Variants in CPAMD8 observed in about 807,000 individuals in gnomAD.
CPAMD8 encodes the protein C3 and PZP-like alpha-2-macroglobulin domain-containing protein 8.
CPAMD8 carries 146 observed loss-of-function variants against 224.7 expected under a neutral mutation model. The observed-to-expected ratio is 0.65, with a 90% confidence interval of 0.57 to 0.75. The LOEUF (loss-of-function observed/expected upper bound fraction) is 0.75. Ranked by LOEUF, CPAMD8 falls within the 30% of genes least tolerant of loss-of-function variation. The pLI, the probability that CPAMD8 is intolerant of heterozygous loss-of-function variation, is 0.00. For synonymous variants in CPAMD8, 966 were observed against 1,044.6 expected (o/e 0.92, Z 1.45); for missense variants, 2,301 against 2,537.5 (o/e 0.91, Z 2.00).
intron 13 of CPAMD8, among the ~76,000 whole-genome samples, chr19:16,982,796 G>T (rs747804372): frequency 7.9e-5 from 12 of 152,128 alleles, no homozygotes; most frequent in Non-Finnish European, 1.0e-4. Context: ...CCATGACTGT[G>T]CCACCACCCT....
In CPAMD8 at chr19:16,976,171, G is replaced by C; in HGVS notation, c.1759-20C>G. ...TGAAACCTTGGCGCAAATGCAGCAAGGGATAAGAAACTTGGTTCAGTTGGC... is the reference window on the plus strand; with the variant it reads ...TGAAACCTTGGCGCAAATGCAGCAACGGATAAGAAACTTGGTTCAGTTGGC... On this transcript the variant is annotated intron_variant, in intron 15 of 41. Transcript: ENST00000443236. The C allele has an allele frequency of 1.2e-6, 2 of 1,602,364 alleles. No homozygotes were observed. Among genetic ancestry groups the C allele is most frequent in the East Asian group, 4.5e-5 (2 of 44,442 alleles).
In CPAMD8 at chr19:16,998,757, T is replaced by C. The variant is rs191646622; in HGVS notation, c.868-1419A>G. Among the ~76,000 whole-genome samples, 51 of 152,322 alleles carry C rather than the reference T, an allele frequency of 3.3e-4. No homozygotes were observed. The East Asian group carries it at 8.9e-3, about 26-fold the overall frequency. On this transcript the variant is annotated intron_variant, in intron 10 of 41. Coordinates refer to ENST00000443236, the MANE Select transcript of CPAMD8 (RefSeq NM_015692.5). ...GGGAATATAAAATAGTGCAGCCACA[T>C]TGACCATTTGGCAGTTCCTCAAAAG...
intron 18 of CPAMD8, 121 bp downstream of exon 18, chr19:16,970,770 A>G: frequency 4.5e-6 from 4 of 892,548 alleles, no homozygotes; most frequent in Non-Finnish European, 6.9e-6. Flanking sequence ...AATAAATTTC[A>G]GTTGTTTATA....
chr19:17,003,799 A>C (rs1373825525), intron 8 of CPAMD8, among the ~76,000 whole-genome samples: 1 of 149,986 alleles, frequency 6.7e-6, no homozygotes, highest in African/African-American at 2.5e-5. Flanking sequence ...AAAAAGTAAG[A>C]GTGTAGGACC....
Position 16,896,631 on chromosome 19 carries a change from G to T in CPAMD8, c.5100C>A (p.Ala1700=). 1 of 1,494,988 alleles carries T rather than the reference G, an allele frequency of 6.7e-7. No homozygotes were observed. Among genetic ancestry groups the T allele is most frequent in the Non-Finnish European group, 8.9e-7 (1 of 1,126,930 alleles). 92.6% of individuals were successfully genotyped at this position (1,494,988 alleles called of 1,614,324 possible). A position where few individuals can be genotyped will look rare whatever the true frequency, so the allele number is the denominator to read the frequency against. Residue 1700 remains alanine, a synonymous_variant, in exon 40 of 42, where the codon GCC becomes GCA. Transcript: ENST00000443236. ...GCGCGATCGCCGCCCCCTCCTCAGG[G>T]GCCACGGCAGGGCCCGACTCGCCGG... ...WFPGESGPAV[A]PEEGAAIARC... is the part of the protein sequence containing the mutation.
intron 26 of CPAMD8, among the ~76,000 whole-genome samples, chr19:16,923,800 C>T (rs2053260251): frequency 6.6e-6 from 1 of 151,886 alleles, no homozygotes; most frequent in African/African-American, 2.4e-5. Context: ...CCCATCTTTA[C>T]AAAGAATTGG....
chr19:16,911,004 T>C (rs1233923890), intron 29 of CPAMD8, among the ~76,000 whole-genome samples: 3 of 152,202 alleles, frequency 2.0e-5, no homozygotes. Flanking sequence ...GCAATGAGAA[T>C]GTATTTCTGT....
In CPAMD8 at chr19:16,975,119, T is replaced by C; in HGVS notation, c.2048A>G (p.Lys683Arg). 1.2e-6 allele frequency: 2 copies of C among 1,612,716 alleles called. No individual in the cohort carries two copies. Among genetic ancestry groups the C allele is most frequent in the Non-Finnish European group, 1.7e-6 (2 of 1,179,778 alleles). ...TACGGTGAAGGCAAACCCAGAGTCC[T>C]TGGTGATGCCCCAAGGCCACGGGAA... Reference protein sequence around the residue: ...SVFPWPWGITKDSGFAFTETG... With the variant: ...SVFPWPWGITRDSGFAFTETG... The change falls in exon 17 of 42, where the codon AAG (lysine) becomes AGG (arginine). Residue 683 changes from lysine to arginine, a missense_variant. Physicochemically the swap from Lys to Arg is conservative, Grantham distance 26. Coordinates refer to ENST00000443236, the MANE Select transcript of CPAMD8 (RefSeq NM_015692.5).
intron 7 of CPAMD8, among the ~76,000 whole-genome samples, chr19:17,006,565 A>G (rs7259472): frequency 0.091 from 13,805 of 151,894 alleles, 663 homozygotes; most frequent in Middle Eastern, 0.12. Flanking sequence ...AAAAGATCAA[A>G]TCCATTCTCT....
At chr19:16,968,625 T>TTTTATTTA (rs148205198) in intron 18 of CPAMD8, among the ~76,000 whole-genome samples, 33 of 151,854 alleles carry the variant, frequency 2.2e-4, no homozygotes, top group African/African-American at 6.8e-4. Context: ...GCTTAAGTGT[T>TTTTATTTA]TTTATTTATT....
At chr19:16,971,148 C>G in intron 17 of CPAMD8, 115 bp from the exon 18 acceptor site, 4 of 859,462 alleles carry the variant, frequency 4.7e-6, no homozygotes, top group Non-Finnish European at 7.0e-6. Context: ...CTTGTGGCAA[C>G]CTTGGGGGCA....
Position 16,947,153 on chromosome 19 carries a change from C to T in CPAMD8, c.2583G>A (p.Lys861=). The change falls in exon 21 of 42, where the codon AAG becomes AAA. Residue 861 remains lysine (K), a synonymous_variant. Transcript: ENST00000443236. ...CAGCCTCCCCGGGGGCCACACACAT[C>T]TTCTTGGTCACATGGCGTTTGCCAG... ...GHPGKRHVTK[K]MCVAPGEAEP... The T allele has an allele frequency of 6.2e-7, 1 of 1,613,948 alleles. No individual in the cohort carries two copies. The highest frequency in any genetic ancestry group is 1.1e-5 in the South Asian group (1 of 91,040).
intron 11 of CPAMD8, among the ~76,000 whole-genome samples, 191 bp downstream of exon 11, chr19:16,996,920 G>C (rs1226797724): frequency 1.3e-5 from 2 of 151,958 alleles, no homozygotes; most frequent in Non-Finnish European, 2.9e-5. Flanking sequence ...GTGGAATAGA[G>C]TAGATTGTCC....
intron 13 of CPAMD8, among the ~76,000 whole-genome samples, chr19:16,987,839 G>A (rs1197452115): frequency 6.6e-6 from 1 of 151,596 alleles, no homozygotes; most frequent in African/African-American, 2.4e-5. Flanking sequence ...TTTTGTTTTT[G>A]TTTTGATAGA....
intron 3 of CPAMD8, among the ~76,000 whole-genome samples, chr19:17,018,217 G>T (rs2056862093): frequency 6.6e-6 from 1 of 152,062 alleles, no homozygotes; most frequent in Non-Finnish European, 1.5e-5. Flanking sequence ...TGTGGTAAAA[G>T]TTAAGGAATA....
At chr19:17,022,221 A>T in intron 1 of CPAMD8, 40 bp from the exon 2 acceptor site, 1 of 1,590,670 alleles carries the variant, frequency 6.3e-7, no homozygotes, top group Non-Finnish European at 8.6e-7. Context: ...CTCACCCCAG[A>T]CCCCTGGTCT....
At chr19:16,970,510 G>T (rs1464944721) in intron 18 of CPAMD8, among the ~76,000 whole-genome samples, 1 of 151,992 alleles carries the variant, frequency 6.6e-6, no homozygotes, top group African/African-American at 2.4e-5. Context: ...ACTTGAACCT[G>T]GGAGGTGGAG....
At chr19:16,980,030 G>C (rs2055450753) in intron 14 of CPAMD8, among the ~76,000 whole-genome samples, 1 of 152,160 alleles carries the variant, frequency 6.6e-6, no homozygotes, top group South Asian at 2.1e-4. Flanking sequence ...CCACTCTGGA[G>C]TGATCCACCC....
At chr19:16,988,337 G>A (rs999843334) in intron 13 of CPAMD8, among the ~76,000 whole-genome samples, 23 of 152,286 alleles carry the variant, frequency 1.5e-4, no homozygotes, top group African/African-American at 5.5e-4. Flanking sequence ...CGAGCCGGGC[G>A]TGGTGGCTCA....
Sources: gnomAD v4.1 joint callset for allele counts (sites outside exome capture counted in the v4.1 genomes callset) on GRCh38, gnomAD v4.1.1 for gene constraint, MANE v1.5 for transcripts, NCBI Gene and HGNC (gene_info 2026-07-23, HGNC 2026-07-21) for gene names.